The following ASCC1 variants were observed in gnomAD, a reference collection of about 807,000 sequenced individuals.
The protein encoded by ASCC1 is ASC-1 complex subunit P50.
ASCC1 carries 35 observed loss-of-function variants against 46.6 expected under a neutral mutation model. That is an observed-to-expected ratio of 0.75 (90% CI 0.57 to 0.99). The LOEUF (loss-of-function observed/expected upper bound fraction) is 0.99, where lower values mean the gene tolerates loss of function less well. ASCC1 is among the 50% of genes least tolerant of loss of function. The probability of loss-of-function intolerance (pLI) is 0.00; values close to 1 mark genes in which losing one functional copy is unlikely to be tolerated. For synonymous variants in ASCC1, 143 were observed against 146.6 expected, an observed-to-expected ratio of 0.98 and a Z score of 0.18; for missense variants, 376 against 428.7, an observed-to-expected ratio of 0.88 and a Z score of 1.09.
intron 5 of ASCC1, among the ~76,000 whole-genome samples, chr10:72,176,301 G>T (rs1851849969): frequency 6.6e-6 from 1 of 151,978 alleles, no homozygotes; most frequent in Admixed American, 6.6e-5. Flanking sequence ...TTTCTGTGGT[G>T]CTAAGTTCAT....
intron 5 of ASCC1, among the ~76,000 whole-genome samples, chr10:72,175,608 GACAA>G (rs1851767884): frequency 6.6e-6 from 1 of 152,164 alleles, no homozygotes; most frequent in Non-Finnish European, 1.5e-5. Context: ...TTAAAACGTG[GACAA>G]ACATTCAAGC....
At chr10:72,190,084 G>A (rs556052863) in intron 5 of ASCC1, 47 of 758,186 alleles carry the variant, frequency 6.2e-5, no homozygotes, top group Admixed American at 1.4e-4. Context: ...CTGATAAAGC[G>A]CAGCAACTGG....
intron 9 of ASCC1, among the ~76,000 whole-genome samples, chr10:72,115,291 C>T (rs991731298): frequency 1.3e-5 from 2 of 152,154 alleles, no homozygotes; most frequent in Non-Finnish European, 2.9e-5. Flanking sequence ...AGACACATTG[C>T]TAAGCACTGA....
chr10:72,208,943 T>C (rs1857629865), intron 3 of ASCC1, among the ~76,000 whole-genome samples: 1 of 152,140 alleles, frequency 6.6e-6, no homozygotes, highest in Non-Finnish European at 1.5e-5. Context: ...GCGGGTGGAC[T>C]GCTTGAGTTC....
intron 7 of ASCC1, among the ~76,000 whole-genome samples, chr10:72,140,597 A>T (rs1846850018): frequency 6.6e-6 from 1 of 152,224 alleles, no homozygotes; most frequent in Non-Finnish European, 1.5e-5. Flanking sequence ...GTGTAATGTG[A>T]TCAATTTATG....
chr10:72,126,014 C>G (rs1844823275), intron 9 of ASCC1, among the ~76,000 whole-genome samples: 1 of 152,226 alleles, frequency 6.6e-6, no homozygotes, highest in Non-Finnish European at 1.5e-5. Flanking sequence ...CGGTTTTAGA[C>G]TAATTGGCAC....
rs576881109 is a variant in ASCC1, at chr10:72,205,996, C to A, written c.213-2472G>T. ...GCAGATGCCTGTAATGCCAGTTACT[C>A]GGGAGGCTGAGGCGGGAGAATCACT... On this transcript the variant is annotated intron_variant, in intron 3 of 9. Transcript: ENST00000672957. Among the ~76,000 whole-genome samples the A allele has an allele frequency of 6.6e-5, 10 of 150,856 alleles. No individual in the cohort carries two copies. The South Asian group carries it at 2.1e-3, about 32-fold the overall frequency.
chr10:72,097,036 C>T lies in ASCC1; in HGVS notation c.*298G>A. The stretch of plus-strand genomic sequence containing the variant: ...ACAGTTAACGTTACTGAACTGTGCA[C>T]TTAAAAATGGTGAAGACAGTATGTT... On this transcript the variant is annotated 3_prime_UTR_variant, in exon 10 of 10. Coordinates refer to ENST00000672957, the MANE Select transcript of ASCC1 (RefSeq NM_001198800.3). The T allele has an allele frequency of 2.1e-6, 1 of 469,992 alleles. No homozygotes were observed. Among genetic ancestry groups the T allele is most frequent in the Non-Finnish European group, 4.2e-6 (1 of 237,448 alleles). 29.1% of individuals were successfully genotyped at this position (469,992 alleles called of 1,614,324 possible).
intron 4 of ASCC1, among the ~76,000 whole-genome samples, chr10:72,202,204 C>T (rs78267395): frequency 0.081 from 12,390 of 152,134 alleles, 1,340 homozygotes; most frequent in African/African-American, 0.24. Context: ...ATGGTGCTCA[C>T]GCCTGTAATC....
intron 8 of ASCC1, among the ~76,000 whole-genome samples, chr10:72,131,710 G>A (rs972238438): frequency 5.9e-5 from 9 of 151,936 alleles, no homozygotes; most frequent in Admixed American, 1.3e-4. Context: ...GTAACTAAAC[G>A]GGGTTAATTA....
upstream of ASCC1, chr10:72,216,966 G>A: frequency 2.2e-6 from 1 of 456,078 alleles, no homozygotes; most frequent in Non-Finnish European, 4.4e-6. Flanking sequence ...AATCCATAAT[G>A]ATCCAATACT....
chr10:72,170,870 T>A (rs1193346210), intron 5 of ASCC1, among the ~76,000 whole-genome samples: 1 of 152,054 alleles, frequency 6.6e-6, no homozygotes, highest in Non-Finnish European at 1.5e-5. Context: ...CCAGACACAG[T>A]GGTGCACGCC....
rs368275958 is a variant in ASCC1, at chr10:72,172,107, GTTTT to G, written c.490-10437_490-10434del. Among the ~76,000 whole-genome samples, 910 of 152,118 alleles carry G rather than the reference GTTTT, an allele frequency of 6.0e-3. 5 individuals carry two copies. The highest frequency in any genetic ancestry group is 0.021 in the African/African-American group (865 of 41,502). On this transcript the variant is annotated intron_variant, in intron 5 of 9. Coordinates refer to ENST00000672957, the MANE Select transcript of ASCC1 (RefSeq NM_001198800.3). ...GTGTGTTACATTTAACAATTTTGAA[GTTTT>G]TTTAGAAAAACTCTAAGCACAAGGC... is the stretch of plus-strand genomic sequence containing the variant.
chr10:72,206,712 TC>T (rs1458276543), intron 3 of ASCC1, among the ~76,000 whole-genome samples: 4 of 152,160 alleles, frequency 2.6e-5, no homozygotes, highest in African/African-American at 4.8e-5. Flanking sequence ...AGAGATTCAT[TC>T]CTTTATCTAT....
intron 4 of ASCC1, chr10:72,198,543 C>G: frequency 2.2e-6 from 1 of 455,680 alleles, no homozygotes; most frequent in Non-Finnish European, 4.4e-6. Context: ...GAAACTCTGT[C>G]TCTACAGTGG....
intron 5 of ASCC1, among the ~76,000 whole-genome samples, chr10:72,182,827 A>AAG (rs536612512): frequency 0.14 from 20,111 of 148,570 alleles, 4,128 homozygotes; most frequent in African/African-American, 0.44. Flanking sequence ...AAAAAAAAAA[A>AAG]AGAGAGAGAG....
chr10:72,160,429 G>A (rs1335611158), intron 6 of ASCC1, among the ~76,000 whole-genome samples: 1 of 152,026 alleles, frequency 6.6e-6, no homozygotes, highest in Non-Finnish European at 1.5e-5. Context: ...GGGAAGATAC[G>A]GTTCTTTGAA....
chr10:72,179,680 T>C (rs540851589), intron 5 of ASCC1, among the ~76,000 whole-genome samples: 1 of 152,106 alleles, frequency 6.6e-6, no homozygotes, highest in Non-Finnish European at 1.5e-5. Context: ...ACCTACCTCA[T>C]AGGGAGGGAC....
At chr10:72,202,350 C>G (rs920594534) in intron 4 of ASCC1, among the ~76,000 whole-genome samples, 4 of 151,962 alleles carry the variant, frequency 2.6e-5, no homozygotes, top group African/African-American at 7.3e-5. Flanking sequence ...CACCTGTAGT[C>G]CCAGCTACTC....
Sources: allele counts gnomAD v4.1 joint callset (sites outside exome capture counted in the v4.1 genomes callset), GRCh38; gene constraint gnomAD v4.1.1; transcripts MANE v1.5; gene names NCBI Gene and HGNC (gene_info 2026-07-23, HGNC 2026-07-21).